Variants in C6 observed in about 807,000 individuals in gnomAD.
The protein encoded by C6 is complement component C6.
C6 carries 101 observed loss-of-function variants against 112.9 expected under a neutral mutation model. That is an observed-to-expected ratio of 0.89 (90% CI 0.76 to 1.06). C6 has a LOEUF of 1.06. C6 is among the 50% of genes least tolerant of loss of function. The pLI is 0.00. For synonymous variants in C6, 431 were observed against 384.1 expected (o/e 1.12, Z -1.43); for missense variants, 1,202 against 1,104.6 (o/e 1.09, Z -1.25).
At position 41,171,787 on chromosome 5, in the gene C6, C is replaced by T. The variant is rs565869440; in HGVS notation, c.1291+438G>A. ...CATGGCCCCAAAATAATTCTTTTCA[C>T]AAAATCTGATGTATTTCAATCCCAG... On this transcript the variant is annotated intron_variant, in intron 9 of 17. Transcript: ENST00000337836. Among the ~76,000 whole-genome samples the T allele has an allele frequency of 1.4e-4, 22 of 152,284 alleles. No homozygotes were observed. In the East Asian group the frequency reaches 3.5e-3, roughly 24 times the overall value.
At chr5:41,192,480 G>A (rs915968772) in intron 5 of C6, among the ~76,000 whole-genome samples, 20 of 152,172 alleles carry the variant, frequency 1.3e-4, no homozygotes, top group Non-Finnish European at 1.3e-4. Context: ...AAGTTTGGTA[G>A]AATTCAGCAG....
chr5:41,182,265 C>T (rs1297484697), intron 6 of C6, among the ~76,000 whole-genome samples: 52 of 141,940 alleles, frequency 3.7e-4, no homozygotes, highest in Admixed American at 7.1e-4. Flanking sequence ...CCCCCCGCCC[C>T]TTTTTTTTTT....
intron 1 of C6, among the ~76,000 whole-genome samples, chr5:41,208,771 C>A (rs1238615593): frequency 6.6e-6 from 1 of 152,062 alleles, no homozygotes; most frequent in Non-Finnish European, 1.5e-5. Context: ...GATGGATTCA[C>A]AGCCGAATTC....
chr5:41,149,264 C>T lies in C6; in HGVS notation c.2600G>A (p.Cys867Tyr). 6.2e-7 allele frequency: 1 copy of T among 1,614,030 alleles called. No individual in the cohort carries two copies. The highest frequency in any genetic ancestry group is 2.2e-5 in the East Asian group (1 of 44,878). ...ACCTGAACATTTTTCCCAGTCATAG[C>T]AGGTGTCATAGCCACAGGATTCTTT... is the stretch of plus-strand genomic sequence containing the variant. ...TKKESCGYDT[C>Y]YDWEKCSAST... Residue 867 changes from cysteine to tyrosine, a missense_variant, in exon 17 of 18, where the codon TGC (cysteine) becomes TAC (tyrosine). Physicochemically the swap from Cys to Tyr is radical, Grantham distance 194. Coordinates refer to ENST00000337836, the MANE Select transcript of C6 (RefSeq NM_000065.5).
At chr5:41,145,279 A>G (rs920420517) in intron 17 of C6, among the ~76,000 whole-genome samples, 1 of 152,210 alleles carries the variant, frequency 6.6e-6, no homozygotes, top group East Asian at 1.9e-4. Flanking sequence ...ACATTTTTGT[A>G]TACATTCTTA....
chr5:41,244,668 C>T (rs191121966), intron 1 of C6, among the ~76,000 whole-genome samples: 3 of 152,266 alleles, frequency 2.0e-5, no homozygotes, highest in African/African-American at 7.2e-5. Flanking sequence ...TCTTAGATGT[C>T]CCCAGGGGAA....
Position 41,208,732 on chromosome 5 carries a change from G to A in C6, c.-21+4644C>T, listed in dbSNP as rs541520178. Among the ~76,000 whole-genome samples the A allele has an allele frequency of 2.0e-5, 3 of 152,122 alleles. No homozygotes were observed. In the East Asian group the frequency reaches 5.8e-4, roughly 29 times the overall value. On this transcript the variant is annotated intron_variant, in intron 1 of 17. Transcript: ENST00000337836. ...TCTGAAATTGAGGCAATAATTAATAGCTTACCAACCAAAAAAAGTCCAGGA... is the reference window on the plus strand; with the variant it reads ...TCTGAAATTGAGGCAATAATTAATAACTTACCAACCAAAAAAAGTCCAGGA...
intron 1 of C6, among the ~76,000 whole-genome samples, chr5:41,234,905 C>G (rs1021318327): frequency 6.6e-6 from 1 of 152,048 alleles, no homozygotes; most frequent in South Asian, 2.1e-4. Flanking sequence ...TAATTCCTTA[C>G]TAATGAGACT....
At chr5:41,251,379 G>GA (rs1184738143) in intron 1 of C6, among the ~76,000 whole-genome samples, 2 of 152,104 alleles carry the variant, frequency 1.3e-5, no homozygotes, top group Non-Finnish European at 2.9e-5. Flanking sequence ...CCAAGTACCA[G>GA]ATGCAATAGG....
At chr5:41,223,987 G>C (rs1176104242) in intron 1 of C6, among the ~76,000 whole-genome samples, 1 of 151,686 alleles carries the variant, frequency 6.6e-6, no homozygotes, top group African/African-American at 2.4e-5. Context: ...TCTTTACTTT[G>C]GGTTTGACAG....
chr5:41,244,939 T>C (rs1740934602), intron 1 of C6, among the ~76,000 whole-genome samples: 1 of 152,230 alleles, frequency 6.6e-6, no homozygotes, highest in Admixed American at 6.5e-5. Flanking sequence ...TCAGTTAAAA[T>C]GGTGAATCAT....
chr5:41,224,401 T>C (rs942851014), intron 1 of C6, among the ~76,000 whole-genome samples: 5 of 152,136 alleles, frequency 3.3e-5, no homozygotes, highest in African/African-American at 1.2e-4. Context: ...CCACTCCCTA[T>C]TTTTCCCTAT....
intron 10 of C6, among the ~76,000 whole-genome samples, chr5:41,161,424 T>C (rs1747491758): frequency 6.6e-6 from 1 of 152,148 alleles, no homozygotes; most frequent in Non-Finnish European, 1.5e-5. Flanking sequence ...CAAGGAAAGT[T>C]TGAGCATTTT....
chr5:41,198,385 C>T (rs1234959187), intron 4 of C6, among the ~76,000 whole-genome samples: 1 of 152,064 alleles, frequency 6.6e-6, no homozygotes, highest in African/African-American at 2.4e-5. Context: ...ATTTAACAAC[C>T]AAAAGGCTAT....
In C6 at chr5:41,152,319, G is replaced by A. The variant is rs145251228; in HGVS notation, c.2290+1491C>T. On this transcript the variant is annotated intron_variant, in intron 15 of 17. Coordinates refer to ENST00000337836, the MANE Select transcript of C6 (RefSeq NM_000065.5). The stretch of plus-strand genomic sequence containing the variant: ...GGAGTGACACTGGGGGTGTATTTAT[G>A]AAAGAGGGAACCTTGGTTTCTTTGC... Among the ~76,000 whole-genome samples, 27 of 152,244 alleles carry A rather than the reference G, an allele frequency of 1.8e-4. No homozygotes were observed. In the East Asian group the frequency reaches 5.0e-3, roughly 28 times the overall value.
At chr5:41,210,622 A>G (rs546130427) in intron 1 of C6, among the ~76,000 whole-genome samples, 2 of 152,214 alleles carry the variant, frequency 1.3e-5, no homozygotes, top group Non-Finnish European at 2.9e-5. Context: ...TGCAGCCAAC[A>G]GAGATATGAA....
rs771000231 is a variant in C6 at position 41,142,926 on chromosome 5, A to T, written c.2704T>A (p.Ser902Thr). ...GNQLYCVKMG[S>T]STSEKTLNIC... ...TTCAATGTTTTCTCACTTGTTGATGATCCCATTTTGACACAGTAGAGTTGG... is the reference window on the plus strand; with the variant it reads ...TTCAATGTTTTCTCACTTGTTGATGTTCCCATTTTGACACAGTAGAGTTGG... The change falls in exon 18 of 18, where the codon TCA (serine) becomes ACA (threonine). Residue 902 changes from serine to threonine, a missense_variant. By Grantham distance (58) the Ser-to-Thr change is moderately conservative. Transcript: ENST00000337836. 9.3e-6 allele frequency: 15 copies of T among 1,613,444 alleles called. No individual in the cohort carries two copies. Among genetic ancestry groups the T allele is most frequent in the Non-Finnish European group, 1.2e-5 (14 of 1,179,698 alleles).
At chr5:41,251,798 G>A (rs72755916) in intron 1 of C6, among the ~76,000 whole-genome samples, 3,104 of 152,274 alleles carry the variant, frequency 0.02, 51 homozygotes, top group Middle Eastern at 0.075. Context: ...GTAGTTCAGG[G>A]ATTTTACTGT....
chr5:41,234,635 T>C (rs1025590946), intron 1 of C6, among the ~76,000 whole-genome samples: 1 of 152,108 alleles, frequency 6.6e-6, no homozygotes, highest in African/African-American at 2.4e-5. Context: ...AATGAACCAA[T>C]TGCCTAGTTC....
Sources: allele counts gnomAD v4.1 joint callset (sites outside exome capture counted in the v4.1 genomes callset), GRCh38; gene constraint gnomAD v4.1.1; transcripts MANE v1.5; gene names NCBI Gene and HGNC (gene_info 2026-07-23, HGNC 2026-07-21).